The following NPAS2 variants were observed in gnomAD, a reference collection of about 807,000 sequenced individuals.
NPAS2 encodes neuronal PAS domain protein 2.
In NPAS2, 23 loss-of-function variants were observed where a neutral mutation model predicts 107.5. The ratio of observed to expected loss-of-function variants is 0.21; its 90% confidence interval spans 0.15 to 0.30. NPAS2 has a LOEUF of 0.30. Among genes scored for constraint, NPAS2 ranks in the 10% least tolerant of loss-of-function variants. The pLI is 1.00. For missense variants in NPAS2, 756 were observed against 1,043.3 expected (o/e 0.72, Z 3.79); for synonymous variants, 403 against 417.5 (o/e 0.97, Z 0.42).
At chr2:100,957,869 C>T (rs561104291) in intron 7 of NPAS2, among the ~76,000 whole-genome samples, 7 of 152,088 alleles carry the variant, frequency 4.6e-5, no homozygotes, top group Non-Finnish European at 1.0e-4. Flanking sequence ...CGGAGCTTGC[C>T]GTGAGCTGAG....
intron 1 of NPAS2, among the ~76,000 whole-genome samples, chr2:100,884,981 C>T (rs1680603477): frequency 6.6e-6 from 1 of 150,526 alleles, no homozygotes. Flanking sequence ...CGGAGTCTCA[C>T]TCTTTCACCC....
intron 1 of NPAS2, among the ~76,000 whole-genome samples, chr2:100,832,931 C>T (rs958318146): frequency 6.6e-6 from 1 of 152,164 alleles, no homozygotes; most frequent in Non-Finnish European, 1.5e-5. Context: ...CATCTCTTTG[C>T]CCATTTTGTA....
rs182598313 is a variant in NPAS2 at position 100,993,279 on chromosome 2, C to T, written c.2112-68C>T. On this transcript the variant is annotated intron_variant, in intron 19 of 20. Transcript: ENST00000335681. ...ACTTATTTGTTTTTTCTTTGTTGCT[C>T]GTGCTTTTGGTGTCGTATCAATACT... The T allele has an allele frequency of 2.7e-5, 38 of 1,396,990 alleles. No individual in the cohort carries two copies. The East Asian group carries it at 3.1e-4, about 11-fold the overall frequency. 86.5% of individuals were successfully genotyped at this position (1,396,990 alleles called of 1,614,324 possible). A position where few individuals can be genotyped will look rare whatever the true frequency, so the allele number is the denominator to read the frequency against.
intron 7 of NPAS2, among the ~76,000 whole-genome samples, chr2:100,952,180 T>C (rs1395142682): frequency 6.7e-6 from 1 of 150,048 alleles, no homozygotes; most frequent in East Asian, 2.0e-4. Flanking sequence ...AAGATGTGCT[T>C]TGGCCATAAT....
chr2:100,909,132 T>C (rs1281533781), intron 2 of NPAS2, among the ~76,000 whole-genome samples: 1 of 152,212 alleles, frequency 6.6e-6, no homozygotes, highest in African/African-American at 2.4e-5. Context: ...TTTAATGACA[T>C]GGACCAATGA....
chr2:100,945,346 C>T (rs1371419653), intron 5 of NPAS2, among the ~76,000 whole-genome samples: 6 of 152,118 alleles, frequency 3.9e-5, no homozygotes, highest in African/African-American at 1.2e-4. Context: ...TGCCCAACAG[C>T]GGCTGGCACA....
chr2:100,822,699 C>G (rs1361843339), intron 1 of NPAS2: 1 of 152,134 alleles, frequency 6.6e-6, no homozygotes, highest in Non-Finnish European at 1.5e-5. Flanking sequence ...ATTTTTAAAA[C>G]AAGCATGTGT....
intron 1 of NPAS2, among the ~76,000 whole-genome samples, chr2:100,895,244 T>G (rs1362726864): frequency 6.6e-6 from 1 of 152,244 alleles, no homozygotes; most frequent in Non-Finnish European, 1.5e-5. Context: ...ATAGTGTGAT[T>G]AAAATTCTGC....
At chr2:100,963,347 T>C (rs1346114060) in intron 7 of NPAS2, among the ~76,000 whole-genome samples, 2 of 152,244 alleles carry the variant, frequency 1.3e-5, no homozygotes, top group African/African-American at 4.8e-5. Context: ...GGCTGGAGTA[T>C]TCAAACCGTT....
At chr2:100,848,390 T>C (rs1469290672) in intron 1 of NPAS2, among the ~76,000 whole-genome samples, 2 of 152,130 alleles carry the variant, frequency 1.3e-5, no homozygotes, top group South Asian at 4.1e-4. Context: ...ACAAATCTTA[T>C]AGGAAAGATC....
chr2:100,839,872 A>T (rs1047673760), intron 1 of NPAS2, among the ~76,000 whole-genome samples: 3 of 152,196 alleles, frequency 2.0e-5, no homozygotes, highest in African/African-American at 7.2e-5. Context: ...CTTCTTCTAT[A>T]GATACTCTTA....
At chr2:100,950,693 T>C (rs1020171964) in intron 7 of NPAS2, among the ~76,000 whole-genome samples, 4 of 152,248 alleles carry the variant, frequency 2.6e-5, no homozygotes, top group African/African-American at 7.2e-5. Context: ...GCAGGGCTTA[T>C]GCCTGGATGG....
At chr2:100,950,183 C>T (rs1377632935) in intron 7 of NPAS2, among the ~76,000 whole-genome samples, 2 of 152,196 alleles carry the variant, frequency 1.3e-5, no homozygotes, top group Non-Finnish European at 1.5e-5. Flanking sequence ...TGGTTATGGG[C>T]TGAGCTCAGC....
intron 1 of NPAS2, among the ~76,000 whole-genome samples, chr2:100,838,045 C>T (rs1007251403): frequency 6.6e-6 from 1 of 152,118 alleles, no homozygotes; most frequent in African/African-American, 2.4e-5. Flanking sequence ...TCTGCAGCAC[C>T]CTTTCTTTCT....
At chr2:100,974,559 A>C (rs751130734) in intron 12 of NPAS2, among the ~76,000 whole-genome samples, 26 of 152,254 alleles carry the variant, frequency 1.7e-4, no homozygotes, top group Non-Finnish European at 3.2e-4. Context: ...ACGAAAATGT[A>C]AATAATAAAA....
In NPAS2 at chr2:100,968,236, TC is replaced by T. The variant is rs746815528; in HGVS notation, c.908-44del. 3 of 1,585,026 alleles carry T rather than the reference TC, an allele frequency of 1.9e-6. No homozygotes were observed. Among genetic ancestry groups the T allele is most frequent in the Middle Eastern group, 1.7e-4 (1 of 5,958 alleles). Reference sequence around the variant, plus strand: ...ATAACTCTTGGGGAAAAGATCATTTTCATATTAACATTGGTTATATGCGGAA... The same window carrying T: ...ATAACTCTTGGGGAAAAGATCATTTTATATTAACATTGGTTATATGCGGAA... On this transcript the variant is annotated intron_variant, in intron 10 of 20. Transcript: ENST00000335681. This position sits in a 1 kb window ranked among gnomAD's most constrained non-coding sequence, Gnocchi z 5.3.
rs541674733 is a variant in NPAS2 at position 100,865,756 on chromosome 2, G to A, written c.-22-38977G>A. Among the ~76,000 whole-genome samples, 8 of 152,274 alleles carry A rather than the reference G, an allele frequency of 5.3e-5. No individual in the cohort carries two copies. In the East Asian group the frequency reaches 1.4e-3, roughly 26 times the overall value. On this transcript the variant is annotated intron_variant, in intron 1 of 20. Transcript: ENST00000335681. ...TCCATTTAACTTGGAAACTCAAGGA[G>A]CTCTGTCCAGGAAGGACAACTGCTG...
chr2:100,923,680 G>C (rs761216756), intron 2 of NPAS2, among the ~76,000 whole-genome samples: 51 of 152,232 alleles, frequency 3.4e-4, no homozygotes, highest in Non-Finnish European at 6.3e-4. Flanking sequence ...ATGTTTTATG[G>C]GCCTGGCCTC....
At chr2:100,950,528 C>T (rs932620536) in intron 7 of NPAS2, among the ~76,000 whole-genome samples, 13 of 152,198 alleles carry the variant, frequency 8.5e-5, no homozygotes, top group Admixed American at 6.5e-4. Context: ...AGTAATGGCA[C>T]CAAGTCCTCA....
Sources: gnomAD v4.1 joint callset for allele counts (sites outside exome capture counted in the v4.1 genomes callset) on GRCh38, gnomAD v4.1.1 for gene constraint, Gnocchi (gnomAD v3.1) non-coding constraint, MANE v1.5 for transcripts, NCBI Gene and HGNC (gene_info 2026-07-23, HGNC 2026-07-21) for gene names.